DMRT1: variants seen among roughly 807,000 people sequenced by gnomAD.
DMRT1 encodes the protein doublesex- and mab-3-related transcription factor 1.
In DMRT1, 7 loss-of-function variants were observed where a neutral mutation model predicts 32.3. The observed-to-expected ratio is 0.22, with a 90% confidence interval of 0.12 to 0.41. The LOEUF (loss-of-function observed/expected upper bound fraction) is 0.41, where lower values mean the gene tolerates loss of function less well. Ranked by LOEUF, DMRT1 falls within the 10% of genes least tolerant of loss-of-function variation. The probability of loss-of-function intolerance (pLI) is 1.00; values close to 1 mark genes in which losing one functional copy is unlikely to be tolerated. For missense variants in DMRT1, 625 were observed against 500.5 expected (o/e 1.25, Z -2.37); for synonymous variants, 278 against 206.1 (o/e 1.35, Z -2.99).
intron 4 of DMRT1, among the ~76,000 whole-genome samples, chr9:922,323 G>A (rs796686608): frequency 1.3e-5 from 2 of 152,156 alleles, no homozygotes; most frequent in African/African-American, 4.8e-5. Flanking sequence ...CACTTGTCTA[G>A]TGCCCAGATG....
chr9:883,624 C>G (rs554283616), intron 2 of DMRT1, among the ~76,000 whole-genome samples: 1 of 145,684 alleles, frequency 6.9e-6, no homozygotes, highest in South Asian at 2.2e-4. Context: ...GACCCTGTCT[C>G]TACAAAAAAA....
chr9:893,409 C>T (rs1007569372), intron 2 of DMRT1, among the ~76,000 whole-genome samples: 2 of 152,212 alleles, frequency 1.3e-5, no homozygotes, highest in African/African-American at 4.8e-5. Flanking sequence ...AGAAGTTTGC[C>T]CCTGGTCCGC....
At position 869,128 on chromosome 9, in the gene DMRT1, G is replaced by A. The variant is rs73639451; in HGVS notation, c.538+21985G>A. On this transcript the variant is annotated intron_variant, in intron 2 of 4. Coordinates refer to ENST00000382276, the MANE Select transcript of DMRT1 (RefSeq NM_021951.3). ...TTTAGGGATGGTTGAGGCTTCTGAG[G>A]AAGTTGACATCCAAAGGACCTTGTT... Among the ~76,000 whole-genome samples, 218 of 152,326 alleles carry A rather than the reference G, an allele frequency of 1.4e-3. 2 individuals carry two copies. Among genetic ancestry groups the A allele is most frequent in the African/African-American group, 4.9e-3 (203 of 41,584 alleles).
chr9:852,715 C>G (rs759799160), intron 2 of DMRT1, among the ~76,000 whole-genome samples: 31 of 152,342 alleles, frequency 2.0e-4, no homozygotes, highest in Non-Finnish European at 3.8e-4. Flanking sequence ...GGACTTCCAT[C>G]CACACTCACA....
intron 4 of DMRT1, among the ~76,000 whole-genome samples, chr9:961,895 C>G (rs985960731): frequency 1.3e-5 from 2 of 152,176 alleles, no homozygotes; most frequent in Non-Finnish European, 2.9e-5. Flanking sequence ...GTTATTACCC[C>G]CTTTTCACAG....
At chr9:967,674 G>A (rs1281186809) in intron 4 of DMRT1, among the ~76,000 whole-genome samples, 2 of 152,286 alleles carry the variant, frequency 1.3e-5, no homozygotes, top group East Asian at 3.9e-4. Context: ...CCGGTGAAGG[G>A]TGGAAATAGT....
chr9:901,730 G>A (rs1353572348), intron 3 of DMRT1, among the ~76,000 whole-genome samples: 1 of 151,724 alleles, frequency 6.6e-6, no homozygotes, highest in African/African-American at 2.4e-5. Context: ...TCTGGTCACT[G>A]GAAACTCCTG....
intron 2 of DMRT1, among the ~76,000 whole-genome samples, chr9:873,222 G>A (rs745940425): frequency 6.6e-6 from 1 of 152,140 alleles, no homozygotes; most frequent in African/African-American, 2.4e-5. Flanking sequence ...CTTCTTTAGA[G>A]AAAATGGTTA....
At chr9:901,388 G>A (rs1303842239) in intron 3 of DMRT1, among the ~76,000 whole-genome samples, 8 of 152,102 alleles carry the variant, frequency 5.3e-5, no homozygotes, top group South Asian at 2.1e-4. Flanking sequence ...GTGCAGTGGC[G>A]CGATCTCGGC....
At position 842,407 on chromosome 9, in the gene DMRT1, G is replaced by T. The variant is rs989834261; in HGVS notation, c.354+215G>T. The T allele has an allele frequency of 1.1e-5, 7 of 629,252 alleles. No individual in the cohort carries two copies. In the African/African-American group the frequency reaches 1.3e-4, roughly 12 times the overall value. The allele number at this position is 629,252 out of a possible 1,614,324, so 39.0% of individuals were successfully genotyped here. A position where few individuals can be genotyped will look rare whatever the true frequency, so the allele number is the denominator to read the frequency against. ...ACACCACCATGCCCGGCTAATTTTT[G>T]TATTTTTAGTAGAGACGGGGGTTTC... On this transcript the variant is annotated intron_variant, in intron 1 of 4. Transcript: ENST00000382276.
intron 3 of DMRT1, among the ~76,000 whole-genome samples, chr9:915,634 C>G (rs72699298): frequency 6.6e-6 from 1 of 152,082 alleles, no homozygotes; most frequent in Middle Eastern, 3.2e-3. Context: ...GAACAGACAC[C>G]GACTAACAGG....
chr9:939,842 C>T (rs866954682), intron 4 of DMRT1, among the ~76,000 whole-genome samples: 4 of 152,082 alleles, frequency 2.6e-5, no homozygotes, highest in Admixed American at 6.6e-5. Flanking sequence ...TCATTAATAC[C>T]TATAAGGGTG....
At chr9:939,458 ATT>A (rs746468033) in intron 4 of DMRT1, among the ~76,000 whole-genome samples, 1 of 152,212 alleles carries the variant, frequency 6.6e-6, no homozygotes, top group Non-Finnish European at 1.5e-5. Flanking sequence ...AACAGAGTTA[ATT>A]TACCGTGGCC....
chr9:896,822 A>G (rs1454619404), intron 3 of DMRT1, among the ~76,000 whole-genome samples: 1 of 151,946 alleles, frequency 6.6e-6, no homozygotes, highest in East Asian at 2.0e-4. Flanking sequence ...CAAAAGAAAA[A>G]AAGAATTGAC....
At chr9:882,634 C>G (rs772305650) in intron 2 of DMRT1, among the ~76,000 whole-genome samples, 8 of 151,992 alleles carry the variant, frequency 5.3e-5, no homozygotes, top group Non-Finnish European at 1.2e-4. Context: ...CAGCCTGTTT[C>G]AAATCAAGAC....
chr9:930,777 C>CA (rs1818698679), intron 4 of DMRT1, among the ~76,000 whole-genome samples: 1 of 119,474 alleles, frequency 8.4e-6, no homozygotes, highest in African/African-American at 5.5e-5. Context: ...CTCTGGGCCT[C>CA]AAGCGGCCTG....
intron 4 of DMRT1, among the ~76,000 whole-genome samples, chr9:957,620 C>T (rs1037997047): frequency 6.6e-5 from 10 of 152,176 alleles, no homozygotes; most frequent in Non-Finnish European, 1.3e-4. Flanking sequence ...ATTCTCCTGT[C>T]TGGAAATGCC....
chr9:847,976 C>G (rs781531488), intron 2 of DMRT1, among the ~76,000 whole-genome samples: 1 of 152,174 alleles, frequency 6.6e-6, no homozygotes, highest in Non-Finnish European at 1.5e-5. Flanking sequence ...AAGTCTAATT[C>G]GATGGCACTG....
At chr9:881,995 A>G (rs1564220712) in intron 2 of DMRT1, among the ~76,000 whole-genome samples, 1 of 152,232 alleles carries the variant, frequency 6.6e-6, no homozygotes, top group Non-Finnish European at 1.5e-5. Context: ...GCCATGAGAC[A>G]TTGCCTTGGA....
Sources: gnomAD v4.1 joint callset for allele counts (sites outside exome capture counted in the v4.1 genomes callset) on GRCh38, gnomAD v4.1.1 for gene constraint, MANE v1.5 for transcripts, NCBI Gene and HGNC (gene_info 2026-07-23, HGNC 2026-07-21) for gene names.